Variants in NDC80 observed in about 807,000 individuals in gnomAD.
NDC80 encodes NDC80 kinetochore complex component.
NDC80 carries 69 observed loss-of-function variants against 89.3 expected under a neutral mutation model. The ratio of observed to expected loss-of-function variants is 0.77; its 90% CI spans 0.64 to 0.94. The LOEUF is 0.94. Ranked by LOEUF, NDC80 falls within the 40% of genes least tolerant of loss-of-function variation. NDC80 has a pLI of 0.00. For missense variants in NDC80, 593 were observed against 739.6 expected (o/e 0.80, Z 2.30); for synonymous variants, 243 against 255.6 (o/e 0.95, Z 0.47).
At position 2,610,832 on chromosome 18, in the gene NDC80, A is replaced by T; in HGVS notation, c.1762A>T (p.Met588Leu). ...AAATAACTTGCAACGTCTGTTAGAG[A>T]TGGTTGCTACACATGTTGGGTCTGT... The part of the protein sequence containing the change: ...VGNNLQRLLE[M>L]VATHVGSVEK... Residue 588 changes from methionine to leucine, a missense_variant, in exon 16 of 17, where the codon ATG becomes TTG. Met to Leu is a conservative substitution (Grantham distance 15, BLOSUM62 2). Coordinates refer to ENST00000261597, the MANE Select transcript of NDC80 (RefSeq NM_006101.3). 1.6e-5 allele frequency: 26 copies of T among 1,588,850 alleles called. No individual in the cohort carries two copies. Among genetic ancestry groups the T allele is most frequent in the Non-Finnish European group, 2.2e-5 (26 of 1,162,250 alleles).
intron 3 of NDC80, 66 bp from the exon 4 acceptor site, chr18:2,577,680 G>T: frequency 6.4e-7 from 1 of 1,570,520 alleles, no homozygotes; most frequent in South Asian, 1.2e-5. Flanking sequence ...AAACTGCCTT[G>T]AAATAATTTA....
chr18:2,591,836 C>T (rs1000343710), intron 10 of NDC80, among the ~76,000 whole-genome samples: 10 of 151,076 alleles, frequency 6.6e-5, no homozygotes, highest in African/African-American at 2.2e-4. Context: ...CTCACTGCAA[C>T]CTCCGCCTCC....
intron 10 of NDC80, among the ~76,000 whole-genome samples, chr18:2,592,480 C>T (rs1295955965): frequency 6.6e-6 from 1 of 151,662 alleles, no homozygotes; most frequent in Non-Finnish European, 1.5e-5. Flanking sequence ...CTCAGTTTCC[C>T]AAGTAGCTGG....
chr18:2,589,304 A>G lies in NDC80; in HGVS notation c.864A>G (p.Lys288=), dbSNP rs1450417241. 6.2e-7 allele frequency: 1 copy of G among 1,610,066 alleles called. No individual in the cohort carries two copies. The highest frequency in any genetic ancestry group is 1.3e-5 in the African/African-American group (1 of 74,854). ...QIARLEQERE[K]EPNRLESLRK... ...CAAGATTGGAACAAGAAAGAGAAAA[A>G]GAACCGGTTAGTAAACATGTTTACA... is the stretch of plus-strand genomic sequence containing the variant. Residue 288 remains lysine, a synonymous_variant, in exon 9 of 17, where the codon AAA becomes AAG. Coordinates refer to ENST00000261597, the MANE Select transcript of NDC80 (RefSeq NM_006101.3).
intron 11 of NDC80, among the ~76,000 whole-genome samples, 180 bp from the exon 12 acceptor site, chr18:2,598,839 C>T (rs2143656348): frequency 6.6e-6 from 1 of 152,224 alleles, no homozygotes; most frequent in Non-Finnish European, 1.5e-5. Flanking sequence ...TTAAGTGTTA[C>T]TAAAACCTTA....
intron 16 of NDC80, among the ~76,000 whole-genome samples, chr18:2,611,580 T>G (rs1424658170): frequency 6.6e-6 from 1 of 152,148 alleles, no homozygotes; most frequent in Non-Finnish European, 1.5e-5. Context: ...AGGCACAAAG[T>G]AAAGTATTTC....
intron 15 of NDC80, 122 bp from the exon 16 acceptor site, chr18:2,610,637 A>G (rs896239187): frequency 4.5e-5 from 24 of 533,278 alleles, no homozygotes; most frequent in African/African-American, 2.3e-4. Flanking sequence ...TACATATAGT[A>G]TGCAGCACAT....
rs374374396 is a variant in NDC80, at chr18:2,606,521, C to T, written c.1557+14C>T. On this transcript the variant is annotated intron_variant, in intron 14 of 16. Coordinates refer to ENST00000261597, the MANE Select transcript of NDC80 (RefSeq NM_006101.3). ...CAAAAAATTAAGGTAAGAACTTTGC[C>T]ACAGTTTGCGTAGGTTATCAAAAGC... The T allele has an allele frequency of 3.9e-6, 6 of 1,557,754 alleles. No individual in the cohort carries two copies. The highest frequency in any genetic ancestry group is 5.3e-6 in the Non-Finnish European group (6 of 1,142,358).
At chr18:2,615,560 A>C (rs1238420029) in intron 16 of NDC80, among the ~76,000 whole-genome samples, 1 of 152,190 alleles carries the variant, frequency 6.6e-6, no homozygotes, top group Non-Finnish European at 1.5e-5. Context: ...AAGATCCTTA[A>C]CTTAGTCACA....
At chr18:2,590,264 C>G in intron 10 of NDC80, 102 bp downstream of exon 10, 1 of 1,234,800 alleles carries the variant, frequency 8.1e-7, no homozygotes, top group Non-Finnish European at 1.1e-6. Flanking sequence ...TTCTGTGGTA[C>G]ATGCTTAGAG....
chr18:2,610,630 A>G (rs772430930), intron 15 of NDC80, 129 bp from the exon 16 acceptor site: 7 of 500,410 alleles, frequency 1.4e-5, no homozygotes, highest in Non-Finnish European at 2.2e-5. Flanking sequence ...CAAATTATAC[A>G]TATAGTATGC....
chr18:2,585,413 C>G (rs919238106), intron 7 of NDC80, among the ~76,000 whole-genome samples: 2 of 152,158 alleles, frequency 1.3e-5, no homozygotes, highest in African/African-American at 4.8e-5. Context: ...AACAATTAAA[C>G]TAGCTTACAG....
At chr18:2,596,109 A>G (rs1011005471) in intron 11 of NDC80, among the ~76,000 whole-genome samples, 1 of 152,224 alleles carries the variant, frequency 6.6e-6, no homozygotes, top group African/African-American at 2.4e-5. Flanking sequence ...GAGGAAACAT[A>G]TAGTACACCT....
At chr18:2,587,338 G>A (rs1452013816) in intron 7 of NDC80, among the ~76,000 whole-genome samples, 1 of 152,186 alleles carries the variant, frequency 6.6e-6, no homozygotes, top group Admixed American at 6.5e-5. Flanking sequence ...TACTCATCAT[G>A]CAATTCATTT....
At chr18:2,615,887 C>T (rs2143680735) in intron 16 of NDC80, among the ~76,000 whole-genome samples, 1 of 151,918 alleles carries the variant, frequency 6.6e-6, no homozygotes, top group East Asian at 1.9e-4. Context: ...TATATTTAGA[C>T]ATGTGTGTGT....
intron 14 of NDC80, 117 bp downstream of exon 14, chr18:2,606,624 G>C: frequency 3.9e-6 from 2 of 516,972 alleles, no homozygotes; most frequent in Non-Finnish European, 6.4e-6. Context: ...CCTATAATTT[G>C]TATCTTGGGT....
At chr18:2,595,680 T>TCTTAATTGGGACAG (rs2072651419) in intron 11 of NDC80, 59 bp downstream of exon 11, 1 of 1,455,550 alleles carries the variant, frequency 6.9e-7, no homozygotes, top group Non-Finnish European at 9.5e-7. Context: ...TGAAGGTCTG[T>TCTTAATTGGGACAG]CCCAATTAAG....
chr18:2,610,677 G>T, intron 15 of NDC80, 82 bp from the exon 16 acceptor site: 1 of 817,844 alleles, frequency 1.2e-6, no homozygotes, highest in Non-Finnish European at 1.8e-6. Context: ...TTTTTTGAAT[G>T]TGGAAATGGG....
At chr18:2,574,902 G>T (rs2072538638) in intron 2 of NDC80, 87 bp from the exon 3 acceptor site, 1 of 788,360 alleles carries the variant, frequency 1.3e-6, no homozygotes, top group African/African-American at 1.8e-5. Flanking sequence ...TAGTGGGGAA[G>T]AGTTGTTGGT....
Sources: gnomAD v4.1 joint callset for allele counts (sites outside exome capture counted in the v4.1 genomes callset) on GRCh38, gnomAD v4.1.1 for gene constraint, MANE v1.5 for transcripts, NCBI Gene and HGNC (gene_info 2026-07-23, HGNC 2026-07-21) for gene names.